The following TBC1D5 variants were observed in gnomAD, a reference collection of about 807,000 sequenced individuals.
TBC1D5 encodes TBC1 domain family member 5, also known as TBC1 domain family, member 5.
Under a neutral mutation model 100.3 loss-of-function variants are expected in TBC1D5, and 75 were observed. The ratio of observed to expected loss-of-function variants is 0.75; its 90% CI spans 0.62 to 0.91. The LOEUF is 0.91. TBC1D5 is among the 40% of genes least tolerant of loss of function. The probability of loss-of-function intolerance (pLI) is 0.00; values close to 1 mark genes in which losing one functional copy is unlikely to be tolerated. For missense variants in TBC1D5, 910 were observed against 942.4 expected, an observed-to-expected ratio of 0.97 and a Z score of 0.45; for synonymous variants, 323 against 325.6, an observed-to-expected ratio of 0.99 and a Z score of 0.09.
At chr3:17,291,817 G>T in intron 15 of TBC1D5, 78 bp downstream of exon 15, 3 of 1,318,478 alleles carry the variant, frequency 2.3e-6, no homozygotes, top group South Asian at 1.4e-5. Context: ...TTCCACATTT[G>T]GAATTCTTAG....
intron 2 of TBC1D5, among the ~76,000 whole-genome samples, chr3:17,525,690 C>T (rs1305688071): frequency 6.6e-6 from 1 of 151,796 alleles, no homozygotes; most frequent in Non-Finnish European, 1.5e-5. Context: ...ATGTCTTTCA[C>T]GATCTACCCA....
chr3:17,495,730 C>G (rs1205022916), intron 3 of TBC1D5, among the ~76,000 whole-genome samples: 1 of 152,150 alleles, frequency 6.6e-6, no homozygotes, highest in Non-Finnish European at 1.5e-5. Context: ...GTCAGAAATA[C>G]CTACATTAGA....
At chr3:17,703,189 A>AAG (rs2073451962) in intron 1 of TBC1D5, among the ~76,000 whole-genome samples, 2 of 152,164 alleles carry the variant, frequency 1.3e-5, no homozygotes, top group African/African-American at 2.4e-5. Context: ...TGATATAAAG[A>AAG]AAAAGAAAAA....
chr3:17,325,230 A>C (rs556188366), intron 13 of TBC1D5, among the ~76,000 whole-genome samples: 37 of 151,902 alleles, frequency 2.4e-4, no homozygotes, highest in Non-Finnish European at 4.3e-4. Context: ...AAGAATAAAC[A>C]AATTGTGGTA....
At chr3:17,702,847 G>C (rs1022114239) in intron 1 of TBC1D5, among the ~76,000 whole-genome samples, 4 of 152,142 alleles carry the variant, frequency 2.6e-5, no homozygotes, top group African/African-American at 7.2e-5. Context: ...TAAAGGCAGA[G>C]TGTGGCAAAA....
intron 2 of TBC1D5, among the ~76,000 whole-genome samples, chr3:17,538,532 C>T (rs1409540855): frequency 1.3e-5 from 2 of 152,160 alleles, no homozygotes; most frequent in South Asian, 2.1e-4. Flanking sequence ...TCCTTTCACT[C>T]CTGCTTTAAA....
chr3:17,511,957 T>A (rs1173727060), intron 2 of TBC1D5, among the ~76,000 whole-genome samples: 3 of 152,070 alleles, frequency 2.0e-5, no homozygotes, highest in African/African-American at 7.2e-5. Context: ...AATTATGGAT[T>A]TAAATAACCT....
At chr3:17,371,020 A>G (rs1387253640) in intron 13 of TBC1D5, among the ~76,000 whole-genome samples, 2 of 151,996 alleles carry the variant, frequency 1.3e-5, no homozygotes, top group Non-Finnish European at 2.9e-5. Context: ...ATTTACTAAA[A>G]TCACTATTTT....
intron 14 of TBC1D5, among the ~76,000 whole-genome samples, chr3:17,301,605 G>A (rs532009466): frequency 1.3e-5 from 2 of 152,264 alleles, no homozygotes; most frequent in South Asian, 4.2e-4. Context: ...GAGGAGATAG[G>A]ACCAACACCC....
intron 1 of TBC1D5, among the ~76,000 whole-genome samples, chr3:17,703,897 A>C (rs1461188385): frequency 1.0e-5 from 1 of 95,888 alleles, no homozygotes; most frequent in African/African-American, 3.4e-5. Context: ...CCACATTGAT[A>C]TTTGTGTTTT....
chr3:17,608,865 T>C (rs1019927030), intron 2 of TBC1D5, among the ~76,000 whole-genome samples: 1 of 152,202 alleles, frequency 6.6e-6, no homozygotes, highest in African/African-American at 2.4e-5. Flanking sequence ...TCATTATTCT[T>C]AGCAAACCAG....
At chr3:17,532,137 A>C (rs1272313758) in intron 2 of TBC1D5, among the ~76,000 whole-genome samples, 1 of 152,224 alleles carries the variant, frequency 6.6e-6, no homozygotes, top group Admixed American at 6.5e-5. Flanking sequence ...ACAAATTTAC[A>C]AGAAAAAAAC....
intron 3 of TBC1D5, among the ~76,000 whole-genome samples, chr3:17,468,186 G>C (rs74618171): frequency 6.6e-6 from 1 of 152,146 alleles, no homozygotes; most frequent in Non-Finnish European, 1.5e-5. Flanking sequence ...ACACTAAAAA[G>C]ACTCTAACAT....
intron 2 of TBC1D5, among the ~76,000 whole-genome samples, chr3:17,555,426 G>T (rs1363771027): frequency 6.6e-6 from 1 of 152,120 alleles, no homozygotes; most frequent in African/African-American, 2.4e-5. Flanking sequence ...CAAAGCAAAG[G>T]GGGCTTCCAG....
chr3:17,289,611 T>A (rs1469903085), intron 15 of TBC1D5, among the ~76,000 whole-genome samples: 5 of 147,796 alleles, frequency 3.4e-5, no homozygotes, highest in African/African-American at 1.3e-4. Context: ...TCCAGCCTGG[T>A]GACAGTGCGA....
chr3:17,368,031 A>AT (rs2092265846), intron 13 of TBC1D5, among the ~76,000 whole-genome samples: 1 of 152,248 alleles, frequency 6.6e-6, no homozygotes, highest in East Asian at 1.9e-4. Flanking sequence ...TTGCGGATTT[A>AT]ATTTTATTTA....
At chr3:17,356,442 A>G (rs959822048) in intron 13 of TBC1D5, among the ~76,000 whole-genome samples, 7 of 152,266 alleles carry the variant, frequency 4.6e-5, no homozygotes, top group African/African-American at 1.7e-4. Flanking sequence ...TAAATACCCA[A>G]GTGATACTAA....
At chr3:17,740,647 C>CTA (rs2077351821) in exon 1 of TBC1D5, 1 of 152,158 alleles carries the variant, frequency 6.6e-6, no homozygotes, top group Non-Finnish European at 1.5e-5. Flanking sequence ...CCAGTTAGAA[C>CTA]ACCCACTGTA....
At chr3:17,327,829 T>TC (rs1209639578) in intron 13 of TBC1D5, among the ~76,000 whole-genome samples, 2 of 152,180 alleles carry the variant, frequency 1.3e-5, no homozygotes, top group Non-Finnish European at 2.9e-5. Flanking sequence ...TGGTTTTTTT[T>TC]CCCCATTACT....
Sources: gnomAD v4.1 joint callset for allele counts (sites outside exome capture counted in the v4.1 genomes callset) on GRCh38, gnomAD v4.1.1 for gene constraint, MANE v1.5 for transcripts, NCBI Gene and HGNC (gene_info 2026-07-23, HGNC 2026-07-21) for gene names.